TGIF2: variants seen among roughly 807,000 people sequenced by gnomAD.
The protein encoded by TGIF2 is homeobox protein TGIF2.
A neutral mutation model predicts 15.1 loss-of-function variants in TGIF2; 5 were observed. That is an observed-to-expected ratio of 0.33 (90% confidence interval 0.17 to 0.70). The LOEUF is 0.70. Ranked by LOEUF, TGIF2 falls within the 30% of genes least tolerant of loss-of-function variation. The pLI, the probability that TGIF2 is intolerant of heterozygous loss-of-function variation, is 0.67. For synonymous variants in TGIF2, 131 were observed against 128.9 expected (o/e 1.02, Z -0.11); for missense variants, 264 against 302.5 (o/e 0.87, Z 0.94).
Position 36,584,581 on chromosome 20 carries a change from CTG to C in TGIF2, c.192+5617_192+5618del, listed in dbSNP as rs548677401. On this transcript the variant is annotated intron_variant, in intron 2 of 2. Coordinates refer to ENST00000373872, the MANE Select transcript of TGIF2 (RefSeq NM_021809.7). ...TTTTTTTTTTTGAGACGGAGTCACT[CTG>C]TCGCCCAGGCTGGAGTGCAGTGGCG... is the stretch of plus-strand genomic sequence containing the variant. 2.9e-3 allele frequency among the ~76,000 whole-genome samples: 442 copies of C among 150,820 alleles called. 1 individual carries two copies. The highest frequency in any genetic ancestry group is 4.4e-3 in the Non-Finnish European group (300 of 67,846).
intron 2 of TGIF2, among the ~76,000 whole-genome samples, chr20:36,590,556 TCATAGCTG>T: frequency 3.3e-5 from 1 of 30,442 alleles, no homozygotes; most frequent in Admixed American, 3.4e-4. Flanking sequence ...AGTAAGTGCT[TCATAGCTG>T]TTTGTTTTGG....
intron 2 of TGIF2, among the ~76,000 whole-genome samples, chr20:36,588,941 C>T (rs1182000362): frequency 6.6e-6 from 1 of 152,192 alleles, no homozygotes; most frequent in Non-Finnish European, 1.5e-5. Context: ...TCATCAGCTA[C>T]CATTCACCGG....
intron 2 of TGIF2, among the ~76,000 whole-genome samples, chr20:36,580,694 C>G (rs963535966): frequency 2.7e-5 from 4 of 150,606 alleles, no homozygotes; most frequent in Non-Finnish European, 5.9e-5. Flanking sequence ...CCTGTAGTCT[C>G]AGCTACTTGG....
chr20:36,574,438 C>CCG (rs2038369435), intron 1 of TGIF2: 1 of 1,838 alleles, frequency 5.4e-4, no homozygotes, highest in African/African-American at 1.2e-3. Flanking sequence ...GGGCGCAGGG[C>CCG]TGGGGGGGGG....
intron 2 of TGIF2, among the ~76,000 whole-genome samples, chr20:36,588,340 G>A (rs1450832956): frequency 7.5e-6 from 1 of 133,954 alleles, no homozygotes; most frequent in Non-Finnish European, 1.6e-5. Flanking sequence ...CCACCTAGCT[G>A]TTGAGCCCTT....
chr20:36,589,511 G>GC (rs1224776615), intron 2 of TGIF2, among the ~76,000 whole-genome samples: 25 of 151,700 alleles, frequency 1.6e-4, no homozygotes, highest in African/African-American at 5.1e-4. Flanking sequence ...TCCTGCCTCA[G>GC]CCCCCCAAGT....
intron 2 of TGIF2, among the ~76,000 whole-genome samples, chr20:36,583,295 A>C (rs948315715): frequency 6.6e-6 from 1 of 150,820 alleles, no homozygotes; most frequent in Non-Finnish European, 1.5e-5. Flanking sequence ...ACAAACAAAC[A>C]AAAAAAACCT....
intron 2 of TGIF2, among the ~76,000 whole-genome samples, chr20:36,588,070 TAAA>T (rs542114970): frequency 0.02 from 2,692 of 131,870 alleles, 79 homozygotes; most frequent in African/African-American, 0.07. Context: ...ACCCTGTCTT[TAAA>T]AAAAAAAAAA....
chr20:36,588,355 CTTTTTTTTTTTTT>C (rs397802665), intron 2 of TGIF2, among the ~76,000 whole-genome samples: 1 of 60,384 alleles, frequency 1.7e-5, no homozygotes, highest in Non-Finnish European at 2.9e-5. Context: ...GCCCTTCCTT[CTTTTTTTTTTTTT>C]TTTTTTTTTT....
chr20:36,591,351 A>T lies in TGIF2; in HGVS notation c.634A>T (p.Met212Leu), dbSNP rs754100474. The change falls in exon 3 of 3, where the codon ATG (methionine) becomes TTG (leucine). Residue 212 changes from methionine to leucine, a missense_variant. Coordinates refer to ENST00000373872, the MANE Select transcript of TGIF2 (RefSeq NM_021809.7). The surrounding 1 kb of genome is among the most constrained non-coding windows in gnomAD (Gnocchi z 5.3). The part of the protein sequence containing the change: ...VEVALQRAAE[M>L]ELQKQQDPSL... ...GGTGGCGCTACAGAGGGCTGCTGAG[A>T]TGGAGCTTCAGAAGCAGCAGGACCC... 1.2e-6 allele frequency: 2 copies of T among 1,614,158 alleles called. No homozygotes were observed. The highest frequency in any genetic ancestry group is 1.7e-6 in the Non-Finnish European group (2 of 1,180,022).
Position 36,593,301 on chromosome 20 carries a change from A to G in TGIF2, c.*1870A>G, listed in dbSNP as rs2038798597. ...GTGGGTGGATCTAGCCAGGAGAAAG[A>G]CAGTAACATGTGTTCTGTACTTTCT... On this transcript the variant is annotated 3_prime_UTR_variant, in exon 3 of 3. Transcript: ENST00000373872. 1 of 152,246 alleles carries G rather than the reference A, an allele frequency of 6.6e-6. No homozygotes were observed. Among genetic ancestry groups the G allele is most frequent in the African/African-American group, 2.4e-5 (1 of 41,390 alleles). The allele number at this position is 152,246 out of a possible 1,614,324, so 9.4% of individuals were successfully genotyped here. A position where few individuals can be genotyped will look rare whatever the true frequency, so the allele number is the denominator to read the frequency against.
rs1325469437 is a variant in TGIF2 at position 36,593,947 on chromosome 20, G to C, written c.*2516G>C. The stretch of plus-strand genomic sequence containing the variant: ...AAATTTTTTTTTGTTTTTTTAAGCA[G>C]AAACAGGGTTCTTGATTGATCCACC... On this transcript the variant is annotated 3_prime_UTR_variant, in exon 3 of 3. Coordinates refer to ENST00000373872, the MANE Select transcript of TGIF2 (RefSeq NM_021809.7). The C allele has an allele frequency of 6.6e-6, 1 of 152,346 alleles. No homozygotes were observed. The highest frequency in any genetic ancestry group is 1.5e-5 in the Non-Finnish European group (1 of 67,986). The allele number at this position is 152,346 out of a possible 1,614,324, so 9.4% of individuals were successfully genotyped here.
At chr20:36,587,898 C>T (rs2147936890) in intron 2 of TGIF2, among the ~76,000 whole-genome samples, 1 of 151,972 alleles carries the variant, frequency 6.6e-6, no homozygotes, top group South Asian at 2.1e-4. Flanking sequence ...AACCCCATCT[C>T]TACAAAAAAT....
chr20:36,589,435 C>CA, intron 2 of TGIF2, among the ~76,000 whole-genome samples: 1 of 151,896 alleles, frequency 6.6e-6, no homozygotes, highest in Non-Finnish European at 1.5e-5. Flanking sequence ...CTCTGTTACC[C>CA]ACGCTGGAGT....
intron 2 of TGIF2, among the ~76,000 whole-genome samples, chr20:36,582,990 T>TTCAGG (rs1216419109): frequency 6.6e-6 from 1 of 152,094 alleles, no homozygotes; most frequent in African/African-American, 2.4e-5. Context: ...CTTAAAACCC[T>TTCAGG]TCAGGCCAGG....
At position 36,591,927 on chromosome 20, in the gene TGIF2, TTTTC is replaced by T. The variant is rs2038775282; in HGVS notation, c.*500_*503del. ...GAATGTTTAGATTTTTGCTAAACTG[TTTTC>T]TTTTTCCCTTTTTTGCTGTGGTTTG... is the stretch of plus-strand genomic sequence containing the variant. On this transcript the variant is annotated 3_prime_UTR_variant, in exon 3 of 3. Transcript: ENST00000373872. This position sits in a 1 kb window ranked among gnomAD's most constrained non-coding sequence, Gnocchi z 5.3. The T allele has an allele frequency of 6.5e-6, 1 of 154,426 alleles. No individual in the cohort carries two copies. Among genetic ancestry groups the T allele is most frequent in the South Asian group, 2.0e-4 (1 of 4,922 alleles). The allele number at this position is 154,426 out of a possible 1,614,324, so 9.6% of individuals were successfully genotyped here.
intron 2 of TGIF2, among the ~76,000 whole-genome samples, chr20:36,582,944 A>G (rs111324343): frequency 0.019 from 2,875 of 152,134 alleles, 97 homozygotes; most frequent in African/African-American, 0.066. Context: ...CATCTAAACC[A>G]TCATTATCTG....
Position 36,583,012 on chromosome 20 carries a change from G to A in TGIF2, c.192+4046G>A, listed in dbSNP as rs566697720. Reference sequence around the variant, plus strand: ...CCCTTCAGGCCAGGCATGGTGGTTCGTGCCTGTAATTCCAGCACTTTGGGA... The same window carrying A: ...CCCTTCAGGCCAGGCATGGTGGTTCATGCCTGTAATTCCAGCACTTTGGGA... On this transcript the variant is annotated intron_variant, in intron 2 of 2. Transcript: ENST00000373872. 5.3e-4 allele frequency among the ~76,000 whole-genome samples: 80 copies of A among 152,042 alleles called. No individual in the cohort carries two copies. The South Asian group carries it at 0.016, about 30-fold the overall frequency.
intron 2 of TGIF2, among the ~76,000 whole-genome samples, chr20:36,580,574 G>A (rs775230401): frequency 2.0e-5 from 3 of 152,092 alleles, no homozygotes; most frequent in South Asian, 2.1e-4. Flanking sequence ...CACTTTAGGA[G>A]ACCAAGGTAG....
Sources: gnomAD v4.1 joint callset for allele counts (sites outside exome capture counted in the v4.1 genomes callset) on GRCh38, gnomAD v4.1.1 for gene constraint, Gnocchi (gnomAD v3.1) non-coding constraint, MANE v1.5 for transcripts, NCBI Gene and HGNC (gene_info 2026-07-23, HGNC 2026-07-21) for gene names.